The following SCOC variants were observed in gnomAD, a reference collection of about 807,000 sequenced individuals.
SCOC encodes short coiled coil protein.
A neutral mutation model predicts 9.9 loss-of-function variants in SCOC; 7 were observed. That is an observed-to-expected ratio of 0.71 (90% CI 0.40 to 1.33). The LOEUF is 1.33. Among genes scored for constraint, SCOC ranks in the 40% most tolerant of loss-of-function variants. The probability of loss-of-function intolerance (pLI) is 0.01; values close to 1 mark genes in which losing one functional copy is unlikely to be tolerated. For synonymous variants in SCOC, 19 were observed against 28.2 expected (o/e 0.67, Z 1.03); for missense variants, 66 against 89.7 (o/e 0.74, Z 1.07).
rs1438805706 is a variant in SCOC, at chr4:140,383,926, G to A, written c.*2822G>A. 1 of 152,208 alleles carries A rather than the reference G, an allele frequency of 6.6e-6. No homozygotes were observed. The highest frequency in any genetic ancestry group is 6.5e-5 in the Admixed American group (1 of 15,284). The allele number at this position is 152,208 out of a possible 1,614,324, so 9.4% of individuals were successfully genotyped here. A position where few individuals can be genotyped will look rare whatever the true frequency, so the allele number is the denominator to read the frequency against. ...CTAAAAATAAGATTACACTGGGAATGTTACATGCAGATCATCACTGCAAAG... is the reference window on the plus strand; with the variant it reads ...CTAAAAATAAGATTACACTGGGAATATTACATGCAGATCATCACTGCAAAG... On this transcript the variant is annotated 3_prime_UTR_variant, in exon 4 of 4. Transcript: ENST00000608372.
chr4:140,317,696 T>C (rs1056515716), intron 1 of SCOC, among the ~76,000 whole-genome samples: 5 of 149,098 alleles, frequency 3.4e-5, no homozygotes, highest in Non-Finnish European at 5.9e-5. Context: ...ATTATTATTA[T>C]TATTATTATT....
chr4:140,280,329 A>T (rs759524566), intron 1 of SCOC, among the ~76,000 whole-genome samples: 1 of 151,982 alleles, frequency 6.6e-6, no homozygotes, highest in Non-Finnish European at 1.5e-5. Flanking sequence ...GGGTTTTGCT[A>T]TGTTGTCCCA....
chr4:140,337,361 TA>T (rs752097658), intron 1 of SCOC, among the ~76,000 whole-genome samples: 10 of 152,226 alleles, frequency 6.6e-5, no homozygotes, highest in Admixed American at 1.3e-4. Context: ...GGACTCTAAA[TA>T]CACTGAGCAA....
chr4:140,326,085 T>C (rs1732636232), intron 1 of SCOC, among the ~76,000 whole-genome samples: 1 of 152,058 alleles, frequency 6.6e-6, no homozygotes, highest in Non-Finnish European at 1.5e-5. Context: ...AAAGGCTACA[T>C]ATTATATGAT....
chr4:140,291,124 C>A (rs1025971950), intron 1 of SCOC, among the ~76,000 whole-genome samples: 1 of 152,024 alleles, frequency 6.6e-6, no homozygotes, highest in Non-Finnish European at 1.5e-5. Context: ...AGTGGCAGGG[C>A]AAGCCTGGAT....
At chr4:140,373,428 T>C, upstream of SCOC, 4 of 1,515,648 alleles carry the variant, frequency 2.6e-6, no homozygotes, top group South Asian at 1.3e-5. Flanking sequence ...CTGTTCCAGG[T>C]CCCGCCCACA....
intron 2 of SCOC, among the ~76,000 whole-genome samples, chr4:140,347,919 T>C (rs1414217664): frequency 6.6e-6 from 1 of 152,242 alleles, no homozygotes; most frequent in Non-Finnish European, 1.5e-5. Context: ...GTTAAATTTA[T>C]GGGAACATTC....
rs1578880195 is a variant in SCOC, at chr4:140,373,672, G to C, written c.-96G>C. The C allele has an allele frequency of 3.2e-6, 5 of 1,551,130 alleles. No individual in the cohort carries two copies. Among genetic ancestry groups the C allele is most frequent in the Non-Finnish European group, 4.4e-6 (5 of 1,146,944 alleles). On this transcript the variant is annotated 5_prime_UTR_variant, in exon 1 of 4. Transcript: ENST00000608372. ...TCAGTTGGTCCAAGTGTCCCGGCCT[G>C]AGGTGTCGGCCGGATCCCTCCTTCT...
intron 1 of SCOC, among the ~76,000 whole-genome samples, chr4:140,314,907 G>T (rs1202025265): frequency 6.6e-6 from 1 of 152,160 alleles, no homozygotes; most frequent in African/African-American, 2.4e-5. Flanking sequence ...GTTGCTGAAT[G>T]TTCCTTTCCA....
Position 140,282,008 on chromosome 4 carries a change from T to G in SCOC, c.-19+24598T>G, listed in dbSNP as rs576528987. Among the ~76,000 whole-genome samples the G allele has an allele frequency of 9.8e-5, 15 of 152,328 alleles. No individual in the cohort carries two copies. The East Asian group carries it at 2.9e-3, about 29-fold the overall frequency. ...CTTAATCATCATCGACCAAATAGGC[T>G]ACACTGCCCCCTTATGATGTTTCAG... On this transcript the variant is annotated intron_variant, in intron 1 of 4. Transcript: ENST00000394205.
chr4:140,303,570 G>A (rs1247321920), intron 1 of SCOC, among the ~76,000 whole-genome samples: 1 of 152,132 alleles, frequency 6.6e-6, no homozygotes, highest in Non-Finnish European at 1.5e-5. Context: ...GGAATGTCTG[G>A]CATAGCTTTT....
intron 1 of SCOC, among the ~76,000 whole-genome samples, chr4:140,326,170 G>A (rs902980841): frequency 1.9e-4 from 29 of 152,260 alleles, no homozygotes; most frequent in Middle Eastern, 3.4e-3. Context: ...TGGTTAGCAG[G>A]GTTGAGGGAA....
At chr4:140,339,278 A>C (rs1359504951), upstream of SCOC, among the ~76,000 whole-genome samples, 1 of 152,126 alleles carries the variant, frequency 6.6e-6, no homozygotes, top group East Asian at 1.9e-4. Flanking sequence ...TCCCTTCCTT[A>C]CACCTTACAC....
At chr4:140,339,013 C>A (rs976098827), upstream of SCOC, among the ~76,000 whole-genome samples, 17 of 152,190 alleles carry the variant, frequency 1.1e-4, no homozygotes. Context: ...GCCAAAAGAA[C>A]AACGCTGGAG....
intron 1 of SCOC, among the ~76,000 whole-genome samples, chr4:140,290,103 A>C (rs1392001315): frequency 6.6e-6 from 1 of 152,252 alleles, no homozygotes; most frequent in East Asian, 1.9e-4. Flanking sequence ...GGTGTCACCT[A>C]GCATTTTTTT....
intron 1 of SCOC, among the ~76,000 whole-genome samples, chr4:140,311,936 T>C (rs537932025): frequency 1.3e-5 from 2 of 152,364 alleles, no homozygotes; most frequent in Admixed American, 1.3e-4. Flanking sequence ...GATGCATCTT[T>C]AGAATGTGTC....
chr4:140,376,221 A>G (rs1728337239), intron 1 of SCOC, among the ~76,000 whole-genome samples: 1 of 152,226 alleles, frequency 6.6e-6, no homozygotes, highest in African/African-American at 2.4e-5. Flanking sequence ...TGACATAAAG[A>G]ACTCAGCAAG....
At chr4:140,268,836 G>A (rs145523575) in intron 1 of SCOC, among the ~76,000 whole-genome samples, 166 of 152,306 alleles carry the variant, frequency 1.1e-3, no homozygotes, top group African/African-American at 3.6e-3. Context: ...AGATTACAGC[G>A]GGAGAGAGAA....
chr4:140,358,253 C>T (rs930424562), intron 2 of SCOC, among the ~76,000 whole-genome samples: 35 of 152,170 alleles, frequency 2.3e-4, no homozygotes, highest in Non-Finnish European at 3.2e-4. Flanking sequence ...TTTGAGTTTA[C>T]GCACTTGTAA....
Sources: gnomAD v4.1 joint callset for allele counts (sites outside exome capture counted in the v4.1 genomes callset) on GRCh38, gnomAD v4.1.1 for gene constraint, MANE v1.5 for transcripts, NCBI Gene and HGNC (gene_info 2026-07-23, HGNC 2026-07-21) for gene names.